Variants in GALNTL5 observed in about 807,000 individuals in gnomAD.
GALNTL5 encodes the protein inactive polypeptide N-acetylgalactosaminyltransferase-like protein 5.
A neutral mutation model predicts 51.0 loss-of-function variants in GALNTL5; 44 were observed. The observed-to-expected ratio is 0.86, with a 90% confidence interval of 0.68 to 1.11. The LOEUF (loss-of-function observed/expected upper bound fraction) is 1.11. Ranked by LOEUF, GALNTL5 falls within the 50% of genes least tolerant of loss-of-function variation. The pLI, the probability that GALNTL5 is intolerant of heterozygous loss-of-function variation, is 0.00. For synonymous variants in GALNTL5, 192 were observed against 182.8 expected, an observed-to-expected ratio of 1.05 and a Z score of -0.41; for missense variants, 528 against 531.8, an observed-to-expected ratio of 0.99 and a Z score of 0.07.
chr7:152,015,360 C>CTT lies in GALNTL5; in HGVS notation c.1176+583_1176+584dup, dbSNP rs202199371. ...CCTTGCCCCGTCCCCATGTGCAACT[C>CTT]TTTTTTTTTTTTTTTTTGAGACGGA... On this transcript the variant is annotated intron_variant, in intron 8 of 8. Coordinates refer to ENST00000392800, the MANE Select transcript of GALNTL5 (RefSeq NM_145292.4). Among the ~76,000 whole-genome samples, 22 of 132,168 alleles carry CTT rather than the reference C, an allele frequency of 1.7e-4. 1 individual carries two copies. Among genetic ancestry groups the CTT allele is most frequent in the African/African-American group, 6.4e-4 (22 of 34,532 alleles). 86.7% of individuals were successfully genotyped at this position (132,168 alleles called of 152,430 possible). A position where few individuals can be genotyped will look rare whatever the true frequency, so the allele number is the denominator to read the frequency against.
chr7:151,967,532 G>A (rs1301528389), intron 2 of GALNTL5, 39 bp downstream of exon 2: 1 of 1,572,428 alleles, frequency 6.4e-7, no homozygotes, highest in South Asian at 1.1e-5. Context: ...CATTTGAAGG[G>A]GAAAATGTAC....
chr7:151,958,643 G>T (rs949209526), intron 1 of GALNTL5, among the ~76,000 whole-genome samples: 1 of 152,182 alleles, frequency 6.6e-6, no homozygotes, highest in Admixed American at 6.5e-5. Flanking sequence ...GTGCTCCTAG[G>T]CTGGCCCAGC....
At chr7:151,977,738 A>T (rs2081225722) in intron 3 of GALNTL5, among the ~76,000 whole-genome samples, 1 of 152,294 alleles carries the variant, frequency 6.6e-6, no homozygotes, top group Non-Finnish European at 1.5e-5. Context: ...ACATTGATAA[A>T]CTTGCACATT....
At chr7:152,014,311 C>T (rs1223807491) in intron 7 of GALNTL5, among the ~76,000 whole-genome samples, 1 of 152,154 alleles carries the variant, frequency 6.6e-6, no homozygotes, top group East Asian at 1.9e-4. Flanking sequence ...CGCTATGTTG[C>T]CCAGGCTGGA....
chr7:152,008,893 T>C lies in GALNTL5; in HGVS notation c.1026+949T>C, dbSNP rs1028656290. On this transcript the variant is annotated intron_variant, in intron 7 of 8. Transcript: ENST00000392800. Reference sequence around the variant, plus strand: ...CACTCTAAGAAAATGGCTCAAGGAGTTCACCTCCTTTCAGGATCTAATAAC... The same window carrying C: ...CACTCTAAGAAAATGGCTCAAGGAGCTCACCTCCTTTCAGGATCTAATAAC... Among the ~76,000 whole-genome samples, 4 of 152,332 alleles carry C rather than the reference T, an allele frequency of 2.6e-5. No individual in the cohort carries two copies. In the South Asian group the frequency reaches 6.2e-4, roughly 24 times the overall value.
chr7:151,990,298 C>T (rs2081410666), intron 5 of GALNTL5, among the ~76,000 whole-genome samples: 2 of 152,028 alleles, frequency 1.3e-5, no homozygotes, highest in South Asian at 4.1e-4. Flanking sequence ...CCTGCCTCGG[C>T]CTCCTGAAGT....
In GALNTL5 at chr7:152,002,773, C is replaced by T. The variant is rs1178432946; in HGVS notation, c.718C>T (p.Leu240=). ...GGTGAACAGAGTATGGCTGGAGCCC[C>T]TGCTGCATGCCATTGCCAAGGACCC... is the stretch of plus-strand genomic sequence containing the variant. ...CEVNRVWLEP[L]LHAIAKDPKM... Residue 240 remains leucine, a synonymous_variant, in exon 6 of 9, where the codon CTG becomes TTG. Transcript: ENST00000392800. The T allele has an allele frequency of 1.2e-6, 2 of 1,613,980 alleles. No homozygotes were observed. Among genetic ancestry groups the T allele is most frequent in the East Asian group, 2.2e-5 (1 of 44,886 alleles).
At chr7:151,961,033 C>G (rs775605927) in intron 1 of GALNTL5, among the ~76,000 whole-genome samples, 1 of 152,162 alleles carries the variant, frequency 6.6e-6, no homozygotes, top group Non-Finnish European at 1.5e-5. Context: ...AGGTCAAAAC[C>G]GTAGAAGTCA....
At chr7:151,997,229 C>T (rs1485800863) in intron 5 of GALNTL5, among the ~76,000 whole-genome samples, 1 of 152,200 alleles carries the variant, frequency 6.6e-6, no homozygotes. Flanking sequence ...CTTGACCTCA[C>T]GCCCTTTACT....
intron 3 of GALNTL5, among the ~76,000 whole-genome samples, chr7:151,977,953 A>G (rs980495321): frequency 1.3e-5 from 2 of 151,886 alleles, no homozygotes; most frequent in Non-Finnish European, 2.9e-5. Context: ...TTTAAGTTTG[A>G]TGTGCATTGT....
chr7:151,986,682 T>C (rs1216565383), intron 4 of GALNTL5, among the ~76,000 whole-genome samples: 1 of 151,234 alleles, frequency 6.6e-6, no homozygotes, highest in Non-Finnish European at 1.5e-5. Context: ...ATTTTGATAA[T>C]GAATCACTTG....
At chr7:151,992,673 A>T (rs1378738629) in intron 5 of GALNTL5, among the ~76,000 whole-genome samples, 1 of 152,198 alleles carries the variant, frequency 6.6e-6, no homozygotes, top group South Asian at 2.1e-4. Context: ...CTGTTTCCAG[A>T]TAAAGACACA....
chr7:151,990,579 T>TTAAAAAAAAAAAAAAA (rs1214027982), intron 5 of GALNTL5, among the ~76,000 whole-genome samples: 1 of 278 alleles, frequency 3.6e-3, no homozygotes, highest in African/African-American at 4.3e-3. Context: ...AGACTCCATC[T>TTAAAAAAAAAAAAAAA]CAAAAAAAAA....
intron 1 of GALNTL5, among the ~76,000 whole-genome samples, chr7:151,965,982 A>T (rs975928146): frequency 6.6e-6 from 1 of 152,024 alleles, no homozygotes; most frequent in Non-Finnish European, 1.5e-5. Flanking sequence ...TATATATATA[A>T]TCACTATTAT....
intron 1 of GALNTL5, among the ~76,000 whole-genome samples, chr7:151,957,244 G>A (rs181381764): frequency 1.3e-5 from 2 of 151,740 alleles, no homozygotes; most frequent in South Asian, 2.1e-4. Context: ...CAATAGACTC[G>A]TATTTTTTTA....
Position 152,015,544 on chromosome 7 carries a change from G to C in GALNTL5, c.1176+751G>C, listed in dbSNP as rs2081799905. Among the ~76,000 whole-genome samples the C allele has an allele frequency of 5.3e-5, 8 of 152,066 alleles. No individual in the cohort carries two copies. The South Asian group carries it at 1.7e-3, about 32-fold the overall frequency. ...CTGGCTAATTTTTGTATTTTTAGTA[G>C]AGACAGGGTTTCACCATGTTGGCCA... On this transcript the variant is annotated intron_variant, in intron 8 of 8. Transcript: ENST00000392800.
chr7:151,958,345 C>T (rs1562997496), intron 1 of GALNTL5, among the ~76,000 whole-genome samples: 2 of 152,210 alleles, frequency 1.3e-5, no homozygotes, highest in Non-Finnish European at 2.9e-5. Flanking sequence ...CCTTGGGCAC[C>T]AGCATCTGGA....
At chr7:151,972,043 G>A (rs1311275378) in intron 3 of GALNTL5, among the ~76,000 whole-genome samples, 2 of 152,224 alleles carry the variant, frequency 1.3e-5, no homozygotes, top group East Asian at 3.8e-4. Flanking sequence ...CTGCTATAAA[G>A]ATACCTAAAA....
intron 5 of GALNTL5, among the ~76,000 whole-genome samples, chr7:151,988,744 C>G (rs540160228): frequency 6.7e-6 from 1 of 149,708 alleles, no homozygotes; most frequent in African/African-American, 2.5e-5. Context: ...CAGTTTCCCT[C>G]TGTCACCCAG....
Sources: allele counts gnomAD v4.1 joint callset (sites outside exome capture counted in the v4.1 genomes callset), GRCh38; gene constraint gnomAD v4.1.1; transcripts MANE v1.5; gene names NCBI Gene and HGNC (gene_info 2026-07-23, HGNC 2026-07-21).